Variants in KCNIP4 observed in about 807,000 individuals in gnomAD.
KCNIP4 encodes potassium voltage-gated channel interacting protein 4.
In KCNIP4, 12 loss-of-function variants were observed where a neutral mutation model predicts 34.0. The ratio of observed to expected loss-of-function variants is 0.35; its 90% CI spans 0.23 to 0.57. The LOEUF is 0.57. KCNIP4 is among the 20% of genes least tolerant of loss of function. The pLI, the probability that KCNIP4 is intolerant of heterozygous loss-of-function variation, is 0.83. For missense variants in KCNIP4, 238 were observed against 311.7 expected (o/e 0.76, Z 1.78); for synonymous variants, 124 against 102.2 (o/e 1.21, Z -1.29).
chr4:20,884,185 C>A (rs1025524111), intron 1 of KCNIP4, among the ~76,000 whole-genome samples: 1 of 152,272 alleles, frequency 6.6e-6, no homozygotes, highest in Admixed American at 6.5e-5. Context: ...AGACTTGATT[C>A]ATTTCCTAGA....
At chr4:20,990,104 G>A (rs1018251450) in intron 1 of KCNIP4, among the ~76,000 whole-genome samples, 3 of 152,200 alleles carry the variant, frequency 2.0e-5, no homozygotes, top group African/African-American at 7.2e-5. Flanking sequence ...AAGTAACAAA[G>A]ACAAGGTCAG....
chr4:20,931,381 C>G (rs879862093), intron 1 of KCNIP4, among the ~76,000 whole-genome samples: 1 of 152,010 alleles, frequency 6.6e-6, no homozygotes, highest in African/African-American at 2.4e-5. Context: ...CCGAAAAACG[C>G]AACATCATTT....
At chr4:21,083,778 G>A (rs1397655100) in intron 1 of KCNIP4, among the ~76,000 whole-genome samples, 4 of 151,894 alleles carry the variant, frequency 2.6e-5, no homozygotes, top group Non-Finnish European at 4.4e-5. Context: ...CAAGTTTGTG[G>A]TAGTTTCTTA....
intron 1 of KCNIP4, among the ~76,000 whole-genome samples, chr4:21,334,682 C>T (rs1715993643): frequency 6.6e-6 from 1 of 151,996 alleles, no homozygotes; most frequent in Admixed American, 6.6e-5. Flanking sequence ...CGTTCACACC[C>T]CCACCCCAGG....
At chr4:21,798,426 T>TATATATA (rs55661046) in intron 1 of KCNIP4, among the ~76,000 whole-genome samples, 1 of 143,244 alleles carries the variant, frequency 7.0e-6, no homozygotes, top group Non-Finnish European at 1.5e-5. Flanking sequence ...TATATATATA[T>TATATATA]TTGCTGGGTG....
intron 1 of KCNIP4, among the ~76,000 whole-genome samples, chr4:21,749,961 G>A (rs1035531799): frequency 7.9e-5 from 12 of 152,048 alleles, no homozygotes; most frequent in Non-Finnish European, 1.6e-4. Context: ...TTTGCTTTCC[G>A]TGGTTCCAGT....
At chr4:21,159,028 C>T (rs1268031573) in intron 1 of KCNIP4, among the ~76,000 whole-genome samples, 1 of 152,090 alleles carries the variant, frequency 6.6e-6, no homozygotes, top group Non-Finnish European at 1.5e-5. Flanking sequence ...CAATTTTCCC[C>T]AAATTGATTT....
intron 1 of KCNIP4, among the ~76,000 whole-genome samples, chr4:21,628,943 T>C (rs183370189): frequency 6.3e-4 from 96 of 152,304 alleles, no homozygotes; most frequent in African/African-American, 2.2e-3. Flanking sequence ...TTCACAAATA[T>C]GTGGTTTTGT....
chr4:21,357,170 A>G (rs192718982), intron 1 of KCNIP4, among the ~76,000 whole-genome samples: 29 of 152,236 alleles, frequency 1.9e-4, no homozygotes. Context: ...TTAATTCAAG[A>G]TGGATTGAAG....
chr4:21,552,309 T>C (rs1318079139), intron 1 of KCNIP4, among the ~76,000 whole-genome samples: 3 of 152,144 alleles, frequency 2.0e-5, no homozygotes, highest in Admixed American at 6.6e-5. Flanking sequence ...ATTTATTTAC[T>C]CAGTAAAGAT....
chr4:21,505,750 A>C (rs966332100), intron 1 of KCNIP4, among the ~76,000 whole-genome samples: 1 of 152,162 alleles, frequency 6.6e-6, no homozygotes, highest in African/African-American at 2.4e-5. Context: ...CCAATCTGAA[A>C]CACAATATTA....
At chr4:21,584,438 G>A (rs73252277) in intron 1 of KCNIP4, among the ~76,000 whole-genome samples, 4,644 of 151,944 alleles carry the variant, frequency 0.031, 76 homozygotes, top group South Asian at 0.073. Flanking sequence ...ATCATTCTTC[G>A]AAAACTTAAA....
chr4:20,787,012 T>C (rs1471830734), intron 3 of KCNIP4, among the ~76,000 whole-genome samples: 1 of 152,172 alleles, frequency 6.6e-6, no homozygotes, highest in African/African-American at 2.4e-5. Context: ...TAAGTTGTTT[T>C]TGAGGCGATT....
At chr4:20,926,295 C>T (rs1729891043) in intron 1 of KCNIP4, among the ~76,000 whole-genome samples, 1 of 152,128 alleles carries the variant, frequency 6.6e-6, no homozygotes, top group East Asian at 1.9e-4. Context: ...GCAATGCTTG[C>T]TAAAGGAAAG....
At chr4:21,481,072 C>A (rs2109832857) in intron 1 of KCNIP4, among the ~76,000 whole-genome samples, 1 of 152,144 alleles carries the variant, frequency 6.6e-6, no homozygotes, top group African/African-American at 2.4e-5. Flanking sequence ...CTGGAACAGG[C>A]TAGAGAGTTC....
chr4:20,815,763 C>T (rs148317337), intron 3 of KCNIP4, among the ~76,000 whole-genome samples: 9 of 152,240 alleles, frequency 5.9e-5, no homozygotes, highest in South Asian at 2.1e-4. Flanking sequence ...AACATTTAGA[C>T]GGTAGCATGT....
intron 1 of KCNIP4, chr4:21,697,437 T>C: frequency 1.9e-6 from 3 of 1,558,754 alleles, no homozygotes; most frequent in Non-Finnish European, 2.6e-6. Context: ...CAGCCACTCA[T>C]CTTAAGCAAC....
chr4:20,772,503 C>G (rs1755987278), intron 3 of KCNIP4, among the ~76,000 whole-genome samples: 1 of 152,068 alleles, frequency 6.6e-6, no homozygotes. Flanking sequence ...TGAAATGTCC[C>G]AGGTGAGGGG....
chr4:21,172,003 G>A (rs1336037340), intron 1 of KCNIP4, among the ~76,000 whole-genome samples: 7 of 152,070 alleles, frequency 4.6e-5, no homozygotes, highest in African/African-American at 1.7e-4. Flanking sequence ...CACTTACCAT[G>A]TAACAGGCTC....
Sources: gnomAD v4.1 joint callset for allele counts (sites outside exome capture counted in the v4.1 genomes callset) on GRCh38, gnomAD v4.1.1 for gene constraint, MANE v1.5 for transcripts, NCBI Gene and HGNC (gene_info 2026-07-23, HGNC 2026-07-21) for gene names.